YIPF6: variants seen among roughly 807,000 people sequenced by gnomAD.
YIPF6 encodes the protein Yip1 domain family member 6.
YIPF6 carries 3 observed loss-of-function variants against 16.8 expected under a neutral mutation model. That is an observed-to-expected ratio of 0.18 (90% CI 0.08 to 0.46). YIPF6 has a LOEUF of 0.46. Ranked by LOEUF, YIPF6 falls within the 20% of genes least tolerant of loss-of-function variation. YIPF6 has a pLI of 0.98. For missense variants in YIPF6, 145 were observed against 184.9 expected, an observed-to-expected ratio of 0.78 and a Z score of 1.25; for synonymous variants, 67 against 61.9, an observed-to-expected ratio of 1.08 and a Z score of -0.38.
chrX:68,525,170 G>A (rs773437826), intron 6 of YIPF6, among the ~76,000 whole-genome samples: 2 of 111,950 alleles, frequency 1.8e-5, no homozygotes, highest in African/African-American at 6.5e-5. Flanking sequence ...ACTTTTTAAT[G>A]ATAGCCATTC....
chrX:68,517,965 CAAA>C (rs761275868), intron 3 of YIPF6, among the ~76,000 whole-genome samples: 10 of 62,516 alleles, frequency 1.6e-4, no homozygotes, highest in Admixed American at 2.0e-4. Flanking sequence ...GACCCTGTTT[CAAA>C]AAAAAAAAAA....
intron 6 of YIPF6, among the ~76,000 whole-genome samples, chrX:68,526,008 C>G (rs2079146253): frequency 8.9e-6 from 1 of 111,808 alleles, no homozygotes; most frequent in Non-Finnish European, 1.9e-5. Flanking sequence ...GTAGTTTTTT[C>G]TACTTCTGTG....
At chrX:68,513,782 T>G (rs904152772) in intron 3 of YIPF6, 2 of 110,344 alleles carry the variant, frequency 1.8e-5, no homozygotes, top group Non-Finnish European at 3.8e-5. Context: ...TAGAGACGGA[T>G]TTCACCAGGT....
chrX:68,520,735 G>GT (rs1423548054), intron 4 of YIPF6, among the ~76,000 whole-genome samples: 7 of 111,880 alleles, frequency 6.3e-5, no homozygotes, highest in African/African-American at 2.3e-4. Flanking sequence ...GCCTCCCAAA[G>GT]TGCTGAGATT....
At chrX:68,512,284 AC>A (rs2079084099) in intron 2 of YIPF6, among the ~76,000 whole-genome samples, 1 of 109,690 alleles carries the variant, frequency 9.1e-6, no homozygotes, top group Non-Finnish European at 1.9e-5. Context: ...AGATGGTGAA[AC>A]CCCCATCTCT....
intron 1 of YIPF6, among the ~76,000 whole-genome samples, chrX:68,507,115 T>C (rs1438917830): frequency 3.6e-5 from 4 of 112,357 alleles, no homozygotes; most frequent in African/African-American, 9.7e-5. Context: ...TTATGTGTTA[T>C]CTTTAGCTGC....
chrX:68,532,872 C>A lies in YIPF6; in HGVS notation c.*873C>A, dbSNP rs1234336066. 3 of 112,144 alleles carry A rather than the reference C, an allele frequency of 2.7e-5. No individual in the cohort carries two copies. The highest frequency in any genetic ancestry group is 3.8e-5 in the Non-Finnish European group (2 of 53,208). 9.2% of individuals were successfully genotyped at this position (112,144 alleles called of 1,213,427 possible). A position where few individuals can be genotyped will look rare whatever the true frequency, so the allele number is the denominator to read the frequency against. The stretch of plus-strand genomic sequence containing the variant: ...CTAGTGCATATTATCATGTGGGCAC[C>A]TTCTCTTAGGGTGGAATGAGGCAGT... On this transcript the variant is annotated 3_prime_UTR_variant, in exon 7 of 7. Coordinates refer to ENST00000462683, the MANE Select transcript of YIPF6 (RefSeq NM_173834.4).
chrX:68,500,273 A>G (rs1175821054), intron 1 of YIPF6, among the ~76,000 whole-genome samples: 1 of 111,367 alleles, frequency 9.0e-6, no homozygotes, highest in Non-Finnish European at 1.9e-5. Context: ...GTTTAGTTAT[A>G]TAGTAGTTGC....
In YIPF6 at chrX:68,532,652, C is replaced by G. The variant is rs1015595268; in HGVS notation, c.*653C>G. 1 of 108,154 alleles carries G rather than the reference C, an allele frequency of 9.2e-6. No individual in the cohort carries two copies. Among genetic ancestry groups the G allele is most frequent in the African/African-American group, 3.4e-5 (1 of 29,546 alleles). 8.9% of individuals were successfully genotyped at this position (108,154 alleles called of 1,213,427 possible). A position where few individuals can be genotyped will look rare whatever the true frequency, so the allele number is the denominator to read the frequency against. On this transcript the variant is annotated 3_prime_UTR_variant, in exon 7 of 7. Coordinates refer to ENST00000462683, the MANE Select transcript of YIPF6 (RefSeq NM_173834.4). Reference sequence around the variant, plus strand: ...CCTCTAAAGAATCAGCCTCTTTGGTCCCTTTGTGCTGTCACCTTTTTGCCA... The same window carrying G: ...CCTCTAAAGAATCAGCCTCTTTGGTGCCTTTGTGCTGTCACCTTTTTGCCA...
At chrX:68,499,274 C>T in intron 1 of YIPF6, 151 bp downstream of exon 1, 1 of 720,480 alleles carries the variant, frequency 1.4e-6, no homozygotes, top group Non-Finnish European at 2.0e-6. Context: ...CCCAACACTG[C>T]ACCTGTTCTT....
chrX:68,527,092 C>T (rs2079151594), intron 6 of YIPF6, among the ~76,000 whole-genome samples: 1 of 111,792 alleles, frequency 8.9e-6, no homozygotes, highest in East Asian at 2.8e-4. Context: ...AGCTGTGAAT[C>T]TGGCTGGTCA....
intron 1 of YIPF6, among the ~76,000 whole-genome samples, chrX:68,504,472 C>T (rs990450683): frequency 1.9e-4 from 21 of 111,483 alleles, no homozygotes; most frequent in Non-Finnish European, 3.0e-4. Context: ...AGAGTACAAA[C>T]TACGTAAGGG....
chrX:68,510,389 C>T (rs1395179130), intron 1 of YIPF6, among the ~76,000 whole-genome samples: 1 of 109,610 alleles, frequency 9.1e-6, no homozygotes, highest in Non-Finnish European at 1.9e-5. Context: ...TATATGATTG[C>T]AAGTCATTTA....
chrX:68,502,579 A>G lies in YIPF6; in HGVS notation c.57+3456A>G, dbSNP rs756397386. ...ATAATATATAAGGAGGGTTAGCTGG[A>G]TGAGGGCCTTAAAAGTTGACTAATT... On this transcript the variant is annotated intron_variant, in intron 1 of 6. Coordinates refer to ENST00000462683, the MANE Select transcript of YIPF6 (RefSeq NM_173834.4). 1.2e-4 allele frequency among the ~76,000 whole-genome samples: 13 copies of G among 111,246 alleles called. No individual in the cohort carries two copies. In the East Asian group the frequency reaches 3.7e-3, roughly 32 times the overall value.
At chrX:68,527,405 CT>C (rs1055557528) in intron 6 of YIPF6, among the ~76,000 whole-genome samples, 3 of 110,951 alleles carry the variant, frequency 2.7e-5, no homozygotes, top group Non-Finnish European at 3.8e-5. Context: ...TTTTGTTAAT[CT>C]TTCCAAAAAA....
chrX:68,499,265 C>T, intron 1 of YIPF6, 142 bp downstream of exon 1: 6 of 764,725 alleles, frequency 7.8e-6, no homozygotes, highest in Non-Finnish European at 1.1e-5. Context: ...AGAACCAGTC[C>T]CAACACTGCA....
intron 1 of YIPF6, among the ~76,000 whole-genome samples, chrX:68,499,709 C>G (rs1366655267): frequency 1.8e-5 from 2 of 112,243 alleles, no homozygotes; most frequent in African/African-American, 3.2e-5. Context: ...GCGGTCTCTG[C>G]TCACTGCAAC....
intron 3 of YIPF6, among the ~76,000 whole-genome samples, chrX:68,518,133 A>G (rs1257600595): frequency 9.2e-6 from 1 of 108,596 alleles, no homozygotes; most frequent in Non-Finnish European, 1.9e-5. Flanking sequence ...TTAGCCAAGT[A>G]TGATAGCGGG....
At chrX:68,525,454 A>G (rs1449794606) in intron 6 of YIPF6, among the ~76,000 whole-genome samples, 1 of 111,972 alleles carries the variant, frequency 8.9e-6, no homozygotes, top group Non-Finnish European at 1.9e-5. Context: ...CTCTGATGAT[A>G]GTTTCTTTTG....
Sources: allele counts gnomAD v4.1 joint callset (sites outside exome capture counted in the v4.1 genomes callset), GRCh38; gene constraint gnomAD v4.1.1; transcripts MANE v1.5; gene names NCBI Gene and HGNC (gene_info 2026-07-23, HGNC 2026-07-21).